The following KCNQ1 variants were observed in gnomAD, a reference collection of about 807,000 sequenced individuals.
The protein encoded by KCNQ1 is potassium voltage-gated channel subfamily KQT member 1.
A neutral mutation model predicts 72.4 loss-of-function variants in KCNQ1; 49 were observed. The ratio of observed to expected loss-of-function variants is 0.68; its 90% CI spans 0.54 to 0.86. The LOEUF is 0.86. Ranked by LOEUF, KCNQ1 falls within the 40% of genes least tolerant of loss-of-function variation. The pLI, the probability that KCNQ1 is intolerant of heterozygous loss-of-function variation, is 0.00. For missense variants in KCNQ1, 790 were observed against 945.1 expected (o/e 0.84, Z 2.15); for synonymous variants, 450 against 412.6 (o/e 1.09, Z -1.10).
In KCNQ1 at chr11:2,458,770, A is replaced by G. The variant is rs1846232867; in HGVS notation, c.386+13286A>G. 6.6e-6 allele frequency among the ~76,000 whole-genome samples: 1 copy of G among 152,186 alleles called. No individual in the cohort carries two copies. Among genetic ancestry groups the G allele is most frequent in the African/African-American group, 2.4e-5 (1 of 41,426 alleles). ...AGAGGAACGCGCTAAATGATACTAC[A>G]GGAGGCCACTTGCAGAATCCCAGTG... On this transcript the variant is annotated intron_variant, in intron 1 of 15. Coordinates refer to ENST00000155840, the MANE Select transcript of KCNQ1 (RefSeq NM_000218.3). The surrounding 1 kb of genome is among the most constrained non-coding windows in gnomAD (Gnocchi z 4.6).
chr11:2,697,822 G>C (rs534984406), intron 11 of KCNQ1: 1 of 398,608 alleles, frequency 2.5e-6, no homozygotes, highest in African/African-American at 2.1e-5. Flanking sequence ...ATTCTTTATA[G>C]TTTTCTTGTG....
At chr11:2,622,765 G>T (rs1308617237) in intron 10 of KCNQ1, 7 of 398,392 alleles carry the variant, frequency 1.8e-5, no homozygotes, top group Non-Finnish European at 2.7e-5. Context: ...AAATTGAGAG[G>T]TAAGTACAGA....
chr11:2,738,412 C>T (rs1390946381), intron 11 of KCNQ1, among the ~76,000 whole-genome samples: 2 of 152,190 alleles, frequency 1.3e-5, no homozygotes, highest in Non-Finnish European at 2.9e-5. Context: ...GGCTAAGCGC[C>T]ATGTGAGAAT....
In KCNQ1 at chr11:2,679,463, AG is replaced by A; in HGVS notation, c.1514+17383del. On this transcript the variant is annotated intron_variant, in intron 11 of 15. Coordinates refer to ENST00000155840, the MANE Select transcript of KCNQ1 (RefSeq NM_000218.3). This position sits in a 1 kb window ranked among gnomAD's most constrained non-coding sequence, Gnocchi z 4.8. ...AGGATTACACAAATTAATAATATAA[AG>A]TATGCAGAAAAGTGCCTGTCCTATA... 1 of 398,636 alleles carries A rather than the reference AG, an allele frequency of 2.5e-6. No homozygotes were observed. Among genetic ancestry groups the A allele is most frequent in the Non-Finnish European group, 4.4e-6 (1 of 226,060 alleles). The allele number at this position is 398,636 out of a possible 1,614,324, so 24.7% of individuals were successfully genotyped here.
At chr11:2,577,885 C>T (rs1211730038) in intron 6 of KCNQ1, among the ~76,000 whole-genome samples, 1 of 152,006 alleles carries the variant, frequency 6.6e-6, no homozygotes, top group East Asian at 1.9e-4. Flanking sequence ...GGGCCTCCCT[C>T]TGTCCACGGC....
intron 11 of KCNQ1, chr11:2,689,234 T>G: frequency 2.5e-6 from 1 of 398,752 alleles, no homozygotes; most frequent in Non-Finnish European, 4.4e-6. Context: ...TAGGCCAAGC[T>G]TTGAAGTCAG....
At chr11:2,700,258 C>T (rs566449087) in intron 11 of KCNQ1, among the ~76,000 whole-genome samples, 3 of 152,262 alleles carry the variant, frequency 2.0e-5, no homozygotes, top group Non-Finnish European at 4.4e-5. Context: ...GCCGCCCTCC[C>T]TGCCCCCACC....
chr11:2,511,626 C>T (rs535730756), intron 1 of KCNQ1, among the ~76,000 whole-genome samples: 2 of 152,194 alleles, frequency 1.3e-5, no homozygotes, highest in African/African-American at 4.8e-5. Flanking sequence ...GATACCGAGA[C>T]AGAAATAAAA....
chr11:2,471,146 A>G lies in KCNQ1; in HGVS notation c.386+25662A>G, dbSNP rs139658163. Among the ~76,000 whole-genome samples, 41 of 151,824 alleles carry G rather than the reference A, an allele frequency of 2.7e-4. No individual in the cohort carries two copies. The South Asian group carries it at 3.4e-3, about 12-fold the overall frequency. Reference sequence around the variant, plus strand: ...CAACTCATCTCATCGATATCTCCCAACGGCTGGGGAACAAGGGCTGACTCG... The same window carrying G: ...CAACTCATCTCATCGATATCTCCCAGCGGCTGGGGAACAAGGGCTGACTCG... On this transcript the variant is annotated intron_variant, in intron 1 of 15. Transcript: ENST00000155840. This position sits in a 1 kb window ranked among gnomAD's most constrained non-coding sequence, Gnocchi z 4.8.
intron 1 of KCNQ1, among the ~76,000 whole-genome samples, chr11:2,453,045 C>G (rs1019625078): frequency 1.3e-5 from 2 of 152,208 alleles, no homozygotes; most frequent in South Asian, 4.1e-4. Flanking sequence ...ATGCTAGATG[C>G]GTGGAGGAGA....
Position 2,849,056 on chromosome 11 carries a change from A to T in KCNQ1, c.*1053A>T, listed in dbSNP as rs771593461. The T allele has an allele frequency of 4.0e-5, 18 of 453,910 alleles. No homozygotes were observed. Among genetic ancestry groups the T allele is most frequent in the Non-Finnish European group, 7.9e-5 (18 of 226,746 alleles). 28.1% of individuals were successfully genotyped at this position (453,910 alleles called of 1,614,324 possible). On this transcript the variant is annotated 3_prime_UTR_variant, in exon 16 of 16. Transcript: ENST00000155840. ...ATCCATGGGGTCTCTCACAGACAGG[A>T]CCCCTGCAGTTCCCCTGGAAGCAGT...
chr11:2,697,575 A>G, intron 11 of KCNQ1: 1 of 398,604 alleles, frequency 2.5e-6, no homozygotes. Flanking sequence ...CCCCAAAATC[A>G]CACATAGGCG....
In KCNQ1 at chr11:2,492,761, C is replaced by T. The variant is rs1163171246; in HGVS notation, c.387-35167C>T. On this transcript the variant is annotated intron_variant, in intron 1 of 15. Coordinates refer to ENST00000155840, the MANE Select transcript of KCNQ1 (RefSeq NM_000218.3). The surrounding 1 kb of genome is among the most constrained non-coding windows in gnomAD (Gnocchi z 4.1). ...CTTTATCCAGCCTATCATTGATGGG[C>T]ATTTGGGTTGGTTCCAAGTCTTTGC... Among the ~76,000 whole-genome samples, 1 of 152,130 alleles carries T rather than the reference C, an allele frequency of 6.6e-6. No individual in the cohort carries two copies.
chr11:2,461,310 G>A, intron 1 of KCNQ1: 1 of 803,106 alleles, frequency 1.2e-6, no homozygotes, highest in South Asian at 1.7e-5. Flanking sequence ...CCGCCTCGCA[G>A]CAGATTTGTA....
chr11:2,694,672 T>A (rs1850644663), intron 11 of KCNQ1: 2 of 398,626 alleles, frequency 5.0e-6, no homozygotes, highest in East Asian at 7.1e-5. Context: ...GCGGACCCTA[T>A]ACGGAAGACA....
chr11:2,835,152 G>T (rs1260145254), intron 15 of KCNQ1, among the ~76,000 whole-genome samples: 1 of 152,192 alleles, frequency 6.6e-6, no homozygotes, highest in Non-Finnish European at 1.5e-5. Flanking sequence ...CTGAGTCATG[G>T]GGCCTCCATC....
At chr11:2,775,756 G>A (rs189328694) in intron 12 of KCNQ1, among the ~76,000 whole-genome samples, 86 of 152,298 alleles carry the variant, frequency 5.6e-4, no homozygotes, top group Non-Finnish European at 8.2e-4. Flanking sequence ...GATGGCCCAG[G>A]ACTACCCAGA....
At chr11:2,575,640 C>T (rs74785179) in intron 6 of KCNQ1, among the ~76,000 whole-genome samples, 2,461 of 152,342 alleles carry the variant, frequency 0.016, 72 homozygotes, top group African/African-American at 0.056. Flanking sequence ...ACGCCCTCGC[C>T]GGCCAGGCAG....
intron 10 of KCNQ1, among the ~76,000 whole-genome samples, chr11:2,597,829 A>G (rs1348724734): frequency 6.6e-6 from 1 of 152,132 alleles, no homozygotes; most frequent in Non-Finnish European, 1.5e-5. Flanking sequence ...ATTCATTGCT[A>G]TTTAATTTCC....
Sources: allele counts gnomAD v4.1 joint callset (sites outside exome capture counted in the v4.1 genomes callset), GRCh38; gene constraint gnomAD v4.1.1; non-coding constraint Gnocchi (gnomAD v3.1); transcripts MANE v1.5; gene names NCBI Gene and HGNC (gene_info 2026-07-23, HGNC 2026-07-21).